CCDC146: variants seen among roughly 807,000 people sequenced by gnomAD.
The protein encoded by CCDC146 is coiled-coil domain containing 146.
A neutral mutation model predicts 119.3 loss-of-function variants in CCDC146; 92 were observed. The observed-to-expected ratio is 0.77, with a 90% CI of 0.65 to 0.92. CCDC146 has a LOEUF of 0.92. Among genes scored for constraint, CCDC146 ranks in the 40% least tolerant of loss-of-function variants. CCDC146 has a pLI of 0.00. For synonymous variants in CCDC146, 372 were observed against 371.8 expected (o/e 1.00, Z -0.01); for missense variants, 1,000 against 1,103.0 (o/e 0.91, Z 1.32).
Position 77,278,162 on chromosome 7 carries a change from C to G in CCDC146, c.1441-590C>G, listed in dbSNP as rs140015071. Among the ~76,000 whole-genome samples, 403 of 152,186 alleles carry G rather than the reference C, an allele frequency of 2.6e-3. 1 individual carries two copies. Among genetic ancestry groups the G allele is most frequent in the African/African-American group, 9.2e-3 (381 of 41,500 alleles). On this transcript the variant is annotated intron_variant, in intron 11 of 18. Coordinates refer to ENST00000285871, the MANE Select transcript of CCDC146 (RefSeq NM_020879.3). ...CACTCACCAAAACTTACTAGGAATC[C>G]TCTTCTCTCATCTATTTTCCATAAA...
At chr7:77,235,371 T>C (rs1792714695) in intron 2 of CCDC146, among the ~76,000 whole-genome samples, 1 of 152,210 alleles carries the variant, frequency 6.6e-6, no homozygotes, top group Non-Finnish European at 1.5e-5. Flanking sequence ...TATGAATTCA[T>C]ATTTAAGCTG....
At chr7:77,210,945 C>T (rs1266276606) in intron 2 of CCDC146, among the ~76,000 whole-genome samples, 2 of 152,152 alleles carry the variant, frequency 1.3e-5, no homozygotes, top group Non-Finnish European at 2.9e-5. Context: ...CAACCAGCTC[C>T]CACCAGGTCC....
chr7:77,161,254 A>C (rs1791256928), intron 1 of CCDC146, among the ~76,000 whole-genome samples: 1 of 152,302 alleles, frequency 6.6e-6, no homozygotes, highest in South Asian at 2.1e-4. Flanking sequence ...CTAGAACTAG[A>C]AATACCATTT....
intron 2 of CCDC146, among the ~76,000 whole-genome samples, chr7:77,219,110 T>C (rs932899810): frequency 1.3e-5 from 2 of 152,206 alleles, no homozygotes; most frequent in East Asian, 3.9e-4. Context: ...TAAACTGTTA[T>C]AAACTATCAG....
intron 2 of CCDC146, among the ~76,000 whole-genome samples, chr7:77,177,471 TG>T (rs1791517709): frequency 6.6e-6 from 1 of 152,222 alleles, no homozygotes; most frequent in Non-Finnish European, 1.5e-5. Flanking sequence ...AGACTCGCCC[TG>T]GGTTACACAT....
At chr7:77,199,114 G>A (rs1791929834) in intron 2 of CCDC146, 1 of 1,381,326 alleles carries the variant, frequency 7.2e-7, no homozygotes, top group Admixed American at 2.0e-5. Flanking sequence ...TCAGGTTAAT[G>A]TTTATAGATA....
chr7:77,256,556 A>G (rs567763018), intron 6 of CCDC146, 47 bp downstream of exon 6: 7 of 1,490,602 alleles, frequency 4.7e-6, no homozygotes, highest in Non-Finnish European at 6.4e-6. Flanking sequence ...TTGCATGGAT[A>G]TAAAAGTGTG....
rs558785389 is a variant in CCDC146, at chr7:77,177,088, G to A, written c.156+9264G>A. On this transcript the variant is annotated intron_variant, in intron 2 of 18. Transcript: ENST00000285871. ...TGGGCTCAAGTGATCTACCCACCTCGGCCTCTCAAAATGCTGGGATTACAG... is the reference window on the plus strand; with the variant it reads ...TGGGCTCAAGTGATCTACCCACCTCAGCCTCTCAAAATGCTGGGATTACAG... Among the ~76,000 whole-genome samples the A allele has an allele frequency of 5.9e-5, 9 of 152,066 alleles. No individual in the cohort carries two copies. In the East Asian group the frequency reaches 1.5e-3, roughly 26 times the overall value.
intron 1 of CCDC146, among the ~76,000 whole-genome samples, chr7:77,138,861 A>C (rs1304060057): frequency 2.0e-5 from 3 of 152,236 alleles, no homozygotes; most frequent in Non-Finnish European, 4.4e-5. Flanking sequence ...AATACTGACA[A>C]CACTAAAAGC....
At chr7:77,231,701 T>C (rs1792631521) in intron 2 of CCDC146, among the ~76,000 whole-genome samples, 1 of 152,134 alleles carries the variant, frequency 6.6e-6, no homozygotes, top group African/African-American at 2.4e-5. Flanking sequence ...TACTCTCCTT[T>C]AATTTTTAAA....
chr7:77,287,839 A>T (rs886845503), intron 17 of CCDC146, among the ~76,000 whole-genome samples: 1 of 152,228 alleles, frequency 6.6e-6, no homozygotes, highest in Non-Finnish European at 1.5e-5. Context: ...AACTACCCAA[A>T]TATGACAGTT....
chr7:77,291,381 T>C (rs1793940372), intron 17 of CCDC146, among the ~76,000 whole-genome samples: 1 of 151,554 alleles, frequency 6.6e-6, no homozygotes, highest in Non-Finnish European at 1.5e-5. Context: ...TTAACTGTGT[T>C]AATGCTAAAT....
At chr7:77,166,638 T>C (rs1272246755) in intron 1 of CCDC146, among the ~76,000 whole-genome samples, 5 of 152,212 alleles carry the variant, frequency 3.3e-5, no homozygotes, top group Non-Finnish European at 1.5e-5. Flanking sequence ...TTAGGATTCA[T>C]TACTATTCAC....
chr7:77,136,729 T>C (rs1349460861), intron 1 of CCDC146, among the ~76,000 whole-genome samples: 1 of 152,204 alleles, frequency 6.6e-6, no homozygotes, highest in Non-Finnish European at 1.5e-5. Context: ...TACAATTTCT[T>C]TTGGTAGATA....
intron 2 of CCDC146, among the ~76,000 whole-genome samples, chr7:77,186,557 C>T (rs529674630): frequency 7.9e-5 from 12 of 152,012 alleles, no homozygotes; most frequent in African/African-American, 1.2e-4. Flanking sequence ...AAATAATGAA[C>T]GAGACCTACA....
chr7:77,133,536 G>A (rs898496863), intron 1 of CCDC146, among the ~76,000 whole-genome samples: 1 of 152,006 alleles, frequency 6.6e-6, no homozygotes, highest in East Asian at 1.9e-4. Flanking sequence ...ATTTTTAGTA[G>A]AGACGTGGTT....
rs1174743224 is a variant in CCDC146, at chr7:77,211,317, A to G, written c.157-25630A>G. Among the ~76,000 whole-genome samples, 7 of 152,184 alleles carry G rather than the reference A, an allele frequency of 4.6e-5. No individual in the cohort carries two copies. The East Asian group carries it at 1.3e-3, about 29-fold the overall frequency. Reference sequence around the variant, plus strand: ...TGTTTTTTAAACTTGATGTAAATAGAATCATACAAAATGTATTTTTTGTGT... The same window carrying G: ...TGTTTTTTAAACTTGATGTAAATAGGATCATACAAAATGTATTTTTTGTGT... On this transcript the variant is annotated intron_variant, in intron 2 of 18. Coordinates refer to ENST00000285871, the MANE Select transcript of CCDC146 (RefSeq NM_020879.3).
intron 1 of CCDC146, among the ~76,000 whole-genome samples, chr7:77,141,772 TC>T (rs1470684948): frequency 6.6e-6 from 1 of 152,226 alleles, no homozygotes; most frequent in African/African-American, 2.4e-5. Context: ...GTTGTTTTTT[TC>T]TTGTAAATTT....
intron 3 of CCDC146, 91 bp from the exon 4 acceptor site, chr7:77,241,600 T>C (rs938523037): frequency 9.6e-7 from 1 of 1,043,898 alleles, no homozygotes. Flanking sequence ...ATCTGAGGAG[T>C]GGGGAGCAGC....
Sources: allele counts gnomAD v4.1 joint callset (sites outside exome capture counted in the v4.1 genomes callset), GRCh38; gene constraint gnomAD v4.1.1; transcripts MANE v1.5; gene names NCBI Gene and HGNC (gene_info 2026-07-23, HGNC 2026-07-21).